FOXP2: variants seen among roughly 807,000 people sequenced by gnomAD.
The protein encoded by FOXP2 is forkhead box protein P2.
Under a neutral mutation model 115.8 loss-of-function variants are expected in FOXP2, and 12 were observed. The ratio of observed to expected loss-of-function variants is 0.10; its 90% CI spans 0.07 to 0.17. FOXP2 has a LOEUF of 0.17. Ranked by LOEUF, FOXP2 falls within the 10% of genes least tolerant of loss-of-function variation. FOXP2 has a pLI of 1.00. For missense variants in FOXP2, 629 were observed against 843.5 expected (o/e 0.75, Z 3.15); for synonymous variants, 328 against 297.7 (o/e 1.10, Z -1.05).
chr7:114,256,934 A>G (rs1446286926), intron 1 of FOXP2, among the ~76,000 whole-genome samples: 1 of 152,250 alleles, frequency 6.6e-6, no homozygotes, highest in Non-Finnish European at 1.5e-5. Flanking sequence ...TCACAGAATT[A>G]GAAACATCTA....
intron 3 of FOXP2, among the ~76,000 whole-genome samples, chr7:114,600,111 A>G (rs1418548144): frequency 6.6e-6 from 1 of 152,176 alleles, no homozygotes; most frequent in Non-Finnish European, 1.5e-5. Flanking sequence ...GCATAAATTC[A>G]TATATCTACC....
intron 1 of FOXP2, among the ~76,000 whole-genome samples, chr7:114,268,365 C>T (rs1293149912): frequency 6.6e-6 from 1 of 151,994 alleles, no homozygotes; most frequent in Non-Finnish European, 1.5e-5. Context: ...AGGGAATTTG[C>T]TCATACATAG....
intron 3 of FOXP2, among the ~76,000 whole-genome samples, chr7:114,550,787 C>T (rs1220611660): frequency 6.6e-6 from 1 of 152,052 alleles, no homozygotes; most frequent in Non-Finnish European, 1.5e-5. Context: ...TCAAAATAGC[C>T]TTAATTTACA....
chr7:114,114,367 C>T (rs1000927509), intron 1 of FOXP2, among the ~76,000 whole-genome samples: 5 of 151,718 alleles, frequency 3.3e-5, no homozygotes, highest in African/African-American at 1.2e-4. Context: ...TTGGATCTTA[C>T]TTGGGAATAA....
At chr7:114,160,241 C>T (rs1792793263), upstream of FOXP2, among the ~76,000 whole-genome samples, 1 of 152,020 alleles carries the variant, frequency 6.6e-6, no homozygotes, top group Non-Finnish European at 1.5e-5. Context: ...CTATGGCTAG[C>T]CTTGGGGGAA....
At chr7:114,369,714 A>C (rs536636109) in intron 2 of FOXP2, among the ~76,000 whole-genome samples, 1 of 152,306 alleles carries the variant, frequency 6.6e-6, no homozygotes, top group Non-Finnish European at 1.5e-5. Flanking sequence ...AGAAATTTTG[A>C]ATCCCTTTGT....
intron 1 of FOXP2, among the ~76,000 whole-genome samples, chr7:114,094,892 A>C (rs1177139375): frequency 6.6e-6 from 1 of 152,040 alleles, no homozygotes; most frequent in African/African-American, 2.4e-5. Context: ...AAACCCACAA[A>C]ACTATTAACT....
At chr7:114,580,828 C>A (rs1801815760) in intron 3 of FOXP2, among the ~76,000 whole-genome samples, 2 of 151,990 alleles carry the variant, frequency 1.3e-5, no homozygotes, top group African/African-American at 4.8e-5. Flanking sequence ...AGTGGGATAT[C>A]TGCGTGTTCA....
intron 3 of FOXP2, among the ~76,000 whole-genome samples, chr7:114,619,677 C>T (rs575118740): frequency 9.9e-5 from 15 of 152,072 alleles, no homozygotes; most frequent in African/African-American, 3.4e-4. Context: ...ACTGTATCCT[C>T]CTTTGGGTCA....
At chr7:114,097,472 C>A (rs974775124) in intron 1 of FOXP2, among the ~76,000 whole-genome samples, 1 of 152,172 alleles carries the variant, frequency 6.6e-6, no homozygotes, top group Non-Finnish European at 1.5e-5. Flanking sequence ...TTTGCCCTTG[C>A]AAGTATATAG....
intron 1 of FOXP2, among the ~76,000 whole-genome samples, chr7:114,283,127 A>G (rs1206330268): frequency 1.3e-5 from 2 of 152,142 alleles, no homozygotes; most frequent in Non-Finnish European, 2.9e-5. Flanking sequence ...TCTTCACTGA[A>G]ATGTTGGTTA....
chr7:114,314,036 C>T (rs1797213509), intron 2 of FOXP2, among the ~76,000 whole-genome samples: 2 of 151,622 alleles, frequency 1.3e-5, no homozygotes, highest in Admixed American at 6.6e-5. Flanking sequence ...GAACAGAAAG[C>T]AGAACCAAAA....
In FOXP2 at chr7:114,482,876, T is replaced by G. The variant is rs544816648; in HGVS notation, c.169-51741T>G. ...CACTCACATTTAATAATTGTAAACT[T>G]TATGATAGAAGAGAATCCTAAAATT... On this transcript the variant is annotated intron_variant, in intron 2 of 16. Transcript: ENST00000350908. Among the ~76,000 whole-genome samples, 5 of 151,752 alleles carry G rather than the reference T, an allele frequency of 3.3e-5. No homozygotes were observed. The East Asian group carries it at 9.7e-4, about 29-fold the overall frequency.
intron 1 of FOXP2, among the ~76,000 whole-genome samples, chr7:114,164,793 C>T (rs532246532): frequency 8.5e-5 from 13 of 152,186 alleles, no homozygotes; most frequent in African/African-American, 2.4e-4. Context: ...GGGTCAGTAC[C>T]GTGCTCCCAT....
At chr7:114,572,093 A>G (rs1377202774) in intron 3 of FOXP2, among the ~76,000 whole-genome samples, 1 of 151,994 alleles carries the variant, frequency 6.6e-6, no homozygotes, top group East Asian at 1.9e-4. Context: ...GGTTAAAAAG[A>G]CAGAAAATGT....
intron 2 of FOXP2, among the ~76,000 whole-genome samples, chr7:114,288,649 T>C (rs1265806142): frequency 6.6e-6 from 1 of 151,752 alleles, no homozygotes; most frequent in East Asian, 1.9e-4. Context: ...TTTTTTAATG[T>C]TGAGTATCTT....
At chr7:114,132,569 G>GTA in intron 1 of FOXP2, among the ~76,000 whole-genome samples, 1 of 135,374 alleles carries the variant, frequency 7.4e-6, no homozygotes, top group African/African-American at 2.8e-5. Flanking sequence ...GTGTGTGTGT[G>GTA]TGTGTGTGTG....
chr7:114,206,355 T>C (rs1334310912), intron 1 of FOXP2, among the ~76,000 whole-genome samples: 1 of 152,160 alleles, frequency 6.6e-6, no homozygotes, highest in African/African-American at 2.4e-5. Flanking sequence ...TCACATATTA[T>C]GTTTCTGACC....
At chr7:114,357,894 A>T (rs567186104) in intron 2 of FOXP2, among the ~76,000 whole-genome samples, 62 of 152,260 alleles carry the variant, frequency 4.1e-4, no homozygotes, top group Middle Eastern at 3.4e-3. Flanking sequence ...TTGTCATGTG[A>T]CCCAATTTTG....
Sources: gnomAD v4.1 joint callset for allele counts (sites outside exome capture counted in the v4.1 genomes callset) on GRCh38, gnomAD v4.1.1 for gene constraint, MANE v1.5 for transcripts, NCBI Gene and HGNC (gene_info 2026-07-23, HGNC 2026-07-21) for gene names.